LIPA: variants seen among roughly 807,000 people sequenced by gnomAD.
LIPA encodes the protein lipase A, lysosomal acid type, also known as lysosomal acid lipase/cholesteryl ester hydrolase.
LIPA carries 26 observed loss-of-function variants against 40.6 expected under a neutral mutation model. That is an observed-to-expected ratio of 0.64 (90% CI 0.47 to 0.89). LIPA has a LOEUF of 0.89. Among genes scored for constraint, LIPA ranks in the 40% least tolerant of loss-of-function variants. The probability of loss-of-function intolerance (pLI) is 0.00; values close to 1 mark genes in which losing one functional copy is unlikely to be tolerated. For missense variants in LIPA, 455 were observed against 479.6 expected (o/e 0.95, Z 0.48); for synonymous variants, 188 against 168.4 (o/e 1.12, Z -0.90).
At chr10:89,306,623 C>T (rs370009481) in intron 1 of LIPA, 11 of 1,613,740 alleles carry the variant, frequency 6.8e-6, no homozygotes, top group African/African-American at 4.0e-5. Flanking sequence ...TCATAAGATG[C>T]GTGAAGAAGG....
intron 1 of LIPA, chr10:89,293,708 G>GAGAT (rs1206078747): frequency 2.0e-4 from 30 of 151,988 alleles, no homozygotes; most frequent in Admixed American, 2.0e-3. Flanking sequence ...GAGAGAGAGA[G>GAGAT]AGAGAGATAT....
chr10:89,297,657 G>A (rs118048830), intron 1 of LIPA, among the ~76,000 whole-genome samples: 1 of 152,348 alleles, frequency 6.6e-6, no homozygotes, highest in Non-Finnish European at 1.5e-5. Context: ...GTTTGGGGCT[G>A]TGAGAAGTGA....
intron 2 of LIPA, among the ~76,000 whole-genome samples, chr10:89,355,947 C>T (rs1469106302): frequency 6.6e-6 from 1 of 152,198 alleles, no homozygotes; most frequent in African/African-American, 2.4e-5. Flanking sequence ...CATGAATAAT[C>T]CATCCCCTGT....
chr10:89,287,914 T>C (rs1257308653), intron 1 of LIPA, among the ~76,000 whole-genome samples: 4 of 152,098 alleles, frequency 2.6e-5, no homozygotes, highest in Non-Finnish European at 5.9e-5. Flanking sequence ...AATACCTCCC[T>C]CCACAACCTC....
intron 1 of LIPA, among the ~76,000 whole-genome samples, chr10:89,319,184 C>T (rs1843557636): frequency 6.6e-6 from 1 of 152,088 alleles, no homozygotes. Context: ...CATTCAAAAG[C>T]TAGCAGAAGG....
At chr10:89,390,523 C>T (rs1179654247) in intron 2 of LIPA, among the ~76,000 whole-genome samples, 1 of 152,190 alleles carries the variant, frequency 6.6e-6, no homozygotes. Flanking sequence ...GCTTAGACTC[C>T]TGGGAATGAA....
chr10:89,262,224 G>A (rs181659248), intron 1 of LIPA, among the ~76,000 whole-genome samples: 33 of 151,350 alleles, frequency 2.2e-4, no homozygotes, highest in East Asian at 1.9e-4. Context: ...TGGACTGAAC[G>A]TTCCAAAAAA....
chr10:89,369,289 TA>T (rs1208785814), intron 2 of LIPA, among the ~76,000 whole-genome samples: 1 of 152,132 alleles, frequency 6.6e-6, no homozygotes, highest in African/African-American at 2.4e-5. Context: ...TAGTGCTTGG[TA>T]AATGAGACAC....
intron 1 of LIPA, among the ~76,000 whole-genome samples, chr10:89,271,625 A>G (rs541325594): frequency 4.6e-5 from 7 of 152,330 alleles, no homozygotes; most frequent in African/African-American, 4.8e-5. Context: ...CAATATTAAA[A>G]TGAAAACAAT....
chr10:89,262,918 A>G (rs1413214926), intron 1 of LIPA, among the ~76,000 whole-genome samples: 1 of 152,228 alleles, frequency 6.6e-6, no homozygotes, highest in Non-Finnish European at 1.5e-5. Context: ...GAACAGTAAA[A>G]ACTGCCAAGC....
chr10:89,339,456 G>T (rs771555537), intron 1 of LIPA: 4 of 1,614,080 alleles, frequency 2.5e-6, no homozygotes, highest in Non-Finnish European at 2.5e-6. Context: ...TTCAACGGGT[G>T]TTGGAATCCA....
chr10:89,319,974 T>C lies in LIPA; in HGVS notation c.-2+22637A>G, dbSNP rs939158227. Among the ~76,000 whole-genome samples the C allele has an allele frequency of 9.2e-5, 14 of 152,330 alleles. 1 individual carries two copies. In the Middle Eastern group the frequency reaches 0.02, roughly 222 times the overall value. ...AGAACCAAAGACAAAAACCACATGATTATCTCAATAGATGCAGAAAAGGCC... is the reference window on the plus strand; with the variant it reads ...AGAACCAAAGACAAAAACCACATGACTATCTCAATAGATGCAGAAAAGGCC... On this transcript the variant is annotated intron_variant, in intron 1 of 5. Coordinates refer to the LIPA transcript ENST00000282673.
At chr10:89,259,312 G>T (rs1189704731) in intron 1 of LIPA, among the ~76,000 whole-genome samples, 1 of 152,172 alleles carries the variant, frequency 6.6e-6, no homozygotes, top group Non-Finnish European at 1.5e-5. Context: ...TATGGATGAT[G>T]AATAAACATG....
chr10:89,260,693 T>C (rs932601303), intron 1 of LIPA, among the ~76,000 whole-genome samples: 4 of 152,084 alleles, frequency 2.6e-5, no homozygotes, highest in African/African-American at 9.7e-5. Context: ...GCTTAACAGT[T>C]CAAGGCCCTC....
At chr10:89,408,350 G>A (rs896030221) in intron 2 of LIPA, among the ~76,000 whole-genome samples, 2 of 149,248 alleles carry the variant, frequency 1.3e-5, no homozygotes. Context: ...TTATGTCCAA[G>A]CTTTCTTTTC....
At chr10:89,332,236 T>A (rs543263444) in intron 1 of LIPA, among the ~76,000 whole-genome samples, 1 of 152,196 alleles carries the variant, frequency 6.6e-6, no homozygotes. Context: ...GCAACAGTCA[T>A]GCACCTGAGA....
In LIPA at chr10:89,225,310, CGCCCTCTCGCGGA is replaced by C. The variant is rs59164855; in HGVS notation, c.539-95_539-83del. On this transcript the variant is annotated intron_variant, in intron 5 of 9. Coordinates refer to ENST00000336233, the MANE Select transcript of LIPA (RefSeq NM_000235.4). The stretch of plus-strand genomic sequence containing the variant: ...AAAACACAAAGGCCGTCACTCGCGA[CGCCCTCTCGCGGA>C]GGCCTGAGACCCACGCAAACAATAC... The C allele has an allele frequency of 0.12, 184,146 of 1,562,172 alleles. 11,534 individuals carry two copies. The highest frequency in any genetic ancestry group is 0.18 in the African/African-American group (13,496 of 73,990).
At chr10:89,296,489 C>CA (rs750487920) in intron 1 of LIPA, among the ~76,000 whole-genome samples, 31,161 of 101,326 alleles carry the variant, frequency 0.31, 4,928 homozygotes, top group Middle Eastern at 0.37. Context: ...GAGACTGTCT[C>CA]AAAAAAAAAA....
At chr10:89,304,577 A>G (rs931550149) in intron 1 of LIPA, among the ~76,000 whole-genome samples, 3 of 152,198 alleles carry the variant, frequency 2.0e-5, no homozygotes, top group African/African-American at 7.2e-5. Flanking sequence ...CTCCTGATAC[A>G]AGGGTTGCTG....
Sources: gnomAD v4.1 joint callset for allele counts (sites outside exome capture counted in the v4.1 genomes callset) on GRCh38, gnomAD v4.1.1 for gene constraint, MANE v1.5 for transcripts, NCBI Gene and HGNC (gene_info 2026-07-23, HGNC 2026-07-21) for gene names.